GABRA3: variants seen among roughly 807,000 people sequenced by gnomAD.
The protein encoded by GABRA3 is gamma-aminobutyric acid receptor subunit alpha-3.
A neutral mutation model predicts 30.1 loss-of-function variants in GABRA3; 10 were observed. That is an observed-to-expected ratio of 0.33 (90% CI 0.20 to 0.56). The LOEUF is 0.56. Among genes scored for constraint, GABRA3 ranks in the 20% least tolerant of loss-of-function variants. GABRA3 has a pLI of 0.89. For missense variants in GABRA3, 233 were observed against 392.0 expected, an observed-to-expected ratio of 0.59 and a Z score of 3.42; for synonymous variants, 151 against 146.8, an observed-to-expected ratio of 1.03 and a Z score of -0.21.
intron 3 of GABRA3, among the ~76,000 whole-genome samples, chrX:152,298,061 G>A (rs956228158): frequency 8.9e-6 from 1 of 112,092 alleles, no homozygotes; most frequent in African/African-American, 3.2e-5. Flanking sequence ...CTTCAAAACA[G>A]CTGAAATATT....
At chrX:152,335,275 C>T (rs772114781) in intron 3 of GABRA3, among the ~76,000 whole-genome samples, 12 of 110,999 alleles carry the variant, frequency 1.1e-4, no homozygotes, top group Non-Finnish European at 1.9e-4. Context: ...CTTGTTCTCA[C>T]CCCAAGAACT....
chrX:152,283,386 A>G (rs1039085793), intron 4 of GABRA3, among the ~76,000 whole-genome samples: 1 of 111,558 alleles, frequency 9.0e-6, no homozygotes, highest in African/African-American at 3.3e-5. Flanking sequence ...TCTTTACTCT[A>G]CACTTGAAAG....
chrX:152,403,309 A>C (rs1352509333), intron 1 of GABRA3, among the ~76,000 whole-genome samples: 2 of 111,821 alleles, frequency 1.8e-5, no homozygotes, highest in East Asian at 5.6e-4. Flanking sequence ...TGCAAACATC[A>C]ACAATAACCA....
intron 7 of GABRA3, among the ~76,000 whole-genome samples, chrX:152,206,429 G>A (rs896234501): frequency 2.7e-5 from 3 of 112,043 alleles, no homozygotes; most frequent in Non-Finnish European, 3.8e-5. Flanking sequence ...AGGAGGGTGT[G>A]TGAAACCTGC....
At chrX:152,307,020 AT>A (rs1447989635) in intron 3 of GABRA3, among the ~76,000 whole-genome samples, 20 of 110,742 alleles carry the variant, frequency 1.8e-4, no homozygotes, top group Admixed American at 1.6e-3. Flanking sequence ...GTTCACTCTT[AT>A]TCCTGCCTCA....
At chrX:152,209,353 T>C (rs764004029) in intron 6 of GABRA3, among the ~76,000 whole-genome samples, 31 of 111,386 alleles carry the variant, frequency 2.8e-4, no homozygotes, top group African/African-American at 8.2e-4. Context: ...TGGTTAACTC[T>C]TTCCACCGTG....
chrX:152,252,182 T>C (rs1938566791), intron 5 of GABRA3, among the ~76,000 whole-genome samples: 1 of 111,425 alleles, frequency 9.0e-6, no homozygotes, highest in Non-Finnish European at 1.9e-5. Context: ...GTATTTTCTA[T>C]GTGCACTATC....
chrX:152,275,074 CAT>C (rs1049245296), intron 4 of GABRA3, among the ~76,000 whole-genome samples: 3 of 80,763 alleles, frequency 3.7e-5, no homozygotes, highest in African/African-American at 1.5e-4. Context: ...GAAATATATT[CAT>C]ATATATAATA....
chrX:152,425,692 T>C (rs951938098), intron 1 of GABRA3, among the ~76,000 whole-genome samples: 4 of 111,058 alleles, frequency 3.6e-5, no homozygotes, highest in African/African-American at 6.5e-5. Flanking sequence ...GTTTGATCAG[T>C]TGGCTAAAGT....
At chrX:152,191,507 T>G (rs5970223) in intron 8 of GABRA3, among the ~76,000 whole-genome samples, 35,825 of 108,203 alleles carry the variant, frequency 0.33, 5,023 homozygotes, top group African/African-American at 0.53. Context: ...ATGTCTTTCT[T>G]AGCGTTGGCA....
chrX:152,390,285 G>T (rs1929442513), intron 1 of GABRA3, among the ~76,000 whole-genome samples: 1 of 111,868 alleles, frequency 8.9e-6, no homozygotes, highest in African/African-American at 3.3e-5. Context: ...ATGTGATACA[G>T]AAACTGACAG....
chrX:152,273,440 C>T (rs1410186159), intron 4 of GABRA3, among the ~76,000 whole-genome samples: 5 of 112,149 alleles, frequency 4.5e-5, no homozygotes, highest in African/African-American at 1.3e-4. Flanking sequence ...CTACTGGGTA[C>T]ATATCAAAAA....
At chrX:152,248,895 C>A (rs931717802) in intron 5 of GABRA3, among the ~76,000 whole-genome samples, 1 of 111,638 alleles carries the variant, frequency 9.0e-6, no homozygotes, top group Non-Finnish European at 1.9e-5. Context: ...AATTATTCTG[C>A]AATGTATATG....
chrX:152,420,560 G>C (rs997857163), intron 1 of GABRA3, among the ~76,000 whole-genome samples: 1 of 110,672 alleles, frequency 9.0e-6, no homozygotes, highest in Non-Finnish European at 1.9e-5. Flanking sequence ...TCCCAAATTA[G>C]AACACTACAA....
chrX:152,262,344 G>GA (rs1938745221), intron 4 of GABRA3, among the ~76,000 whole-genome samples: 1 of 112,517 alleles, frequency 8.9e-6, no homozygotes, highest in Non-Finnish European at 1.9e-5. Flanking sequence ...TTTCTTCCCA[G>GA]AAAATGGCTT....
chrX:152,365,646 G>T (rs1569409133), intron 1 of GABRA3, among the ~76,000 whole-genome samples: 1 of 111,532 alleles, frequency 9.0e-6, no homozygotes, highest in African/African-American at 3.3e-5. Flanking sequence ...AGAAAATGGA[G>T]GGATATATAA....
intron 1 of GABRA3, among the ~76,000 whole-genome samples, chrX:152,369,429 G>C (rs1419432388): frequency 1.8e-5 from 2 of 110,805 alleles, no homozygotes; most frequent in Non-Finnish European, 3.8e-5. Flanking sequence ...TAGCTGGCTA[G>C]TCTCATCCCC....
At position 152,167,613 on chromosome X, in the gene GABRA3, T is replaced by C. The variant is rs1936952556; in HGVS notation, c.*615A>G. On this transcript the variant is annotated 3_prime_UTR_variant, in exon 10 of 10. Transcript: ENST00000370314. ...CATCTTGGTGCCAGGCTGGCAGAGC[T>C]AGTTCTATTTATTTTGGCCATACAT... 1 of 112,256 alleles carries C rather than the reference T, an allele frequency of 8.9e-6. No individual in the cohort carries two copies. Among genetic ancestry groups the C allele is most frequent in the Non-Finnish European group, 1.9e-5 (1 of 53,388 alleles). 9.3% of individuals were successfully genotyped at this position (112,256 alleles called of 1,213,427 possible).
At chrX:152,287,049 G>A (rs914672116) in intron 3 of GABRA3, among the ~76,000 whole-genome samples, 4 of 111,393 alleles carry the variant, frequency 3.6e-5, no homozygotes, top group Non-Finnish European at 7.5e-5. Flanking sequence ...TATACCTACT[G>A]TGTGACATAA....
Sources: gnomAD v4.1 joint callset for allele counts (sites outside exome capture counted in the v4.1 genomes callset) on GRCh38, gnomAD v4.1.1 for gene constraint, MANE v1.5 for transcripts, NCBI Gene and HGNC (gene_info 2026-07-23, HGNC 2026-07-21) for gene names.